Variants in TRIM68 observed in about 807,000 individuals in gnomAD.
TRIM68 encodes E3 ubiquitin-protein ligase TRIM68.
In TRIM68, 36 loss-of-function variants were observed where a neutral mutation model predicts 41.9. That is an observed-to-expected ratio of 0.86 (90% CI 0.66 to 1.14). The LOEUF is 1.14. Among genes scored for constraint, TRIM68 ranks in the 50% most tolerant of loss-of-function variants. TRIM68 has a pLI of 0.00. For synonymous variants in TRIM68, 225 were observed against 224.6 expected, an observed-to-expected ratio of 1.00 and a Z score of -0.02; for missense variants, 632 against 605.1, an observed-to-expected ratio of 1.04 and a Z score of -0.47.
At chr11:4,605,998 A>G (rs769412613) in intron 1 of TRIM68, among the ~76,000 whole-genome samples, 1 of 152,240 alleles carries the variant, frequency 6.6e-6, no homozygotes. Flanking sequence ...TTACATTAAT[A>G]TAATTCAAAG....
chr11:4,606,260 G>A (rs1284790482), intron 1 of TRIM68, among the ~76,000 whole-genome samples: 1 of 152,202 alleles, frequency 6.6e-6, no homozygotes, highest in Non-Finnish European at 1.5e-5. Flanking sequence ...AAGATCATTT[G>A]ATGATCATCA....
chr11:4,602,497 G>T (rs1846509228), intron 3 of TRIM68, 85 bp from the exon 4 acceptor site: 3 of 1,532,196 alleles, frequency 2.0e-6, no homozygotes. Context: ...CACATACTCT[G>T]CAATGGTACC....
rs1846553659 is a variant in TRIM68 at position 4,605,340 on chromosome 11, G to A, written c.165C>T (p.Tyr55=). Residue 55 remains tyrosine (Y), a synonymous_variant, in exon 2 of 7, where the codon TAC becomes TAT. Coordinates refer to ENST00000300747, the MANE Select transcript of TRIM68 (RefSeq NM_018073.8). ...EIPGESQNWG[Y]TCPLCRAPVQ... Reference sequence around the variant, plus strand: ...CAGGAGCTCGACAGAGGGGACAGGTGTAACCCCAGTTCTGGGATTCTCCTG... The same window carrying A: ...CAGGAGCTCGACAGAGGGGACAGGTATAACCCCAGTTCTGGGATTCTCCTG... 1.2e-6 allele frequency: 2 copies of A among 1,614,120 alleles called. No individual in the cohort carries two copies. Among genetic ancestry groups the A allele is most frequent in the African/African-American group, 1.3e-5 (1 of 74,936 alleles).
At chr11:4,604,993 T>C (rs1846546254) in intron 2 of TRIM68, 86 bp downstream of exon 2, 3 of 1,457,488 alleles carry the variant, frequency 2.1e-6, no homozygotes, top group Non-Finnish European at 2.8e-6. Flanking sequence ...GCTCTCAGTC[T>C]GTGGTGCTGG....
intron 4 of TRIM68, 25 bp downstream of exon 4, chr11:4,602,127 G>A (rs774630391): frequency 1.2e-5 from 20 of 1,613,768 alleles, no homozygotes; most frequent in Non-Finnish European, 1.6e-5. Flanking sequence ...GTCACTCAGG[G>A]TTACCAGGAA....
intron 6 of TRIM68, 81 bp from the exon 7 acceptor site, chr11:4,600,907 A>C: frequency 6.4e-7 from 1 of 1,572,498 alleles, no homozygotes; most frequent in Non-Finnish European, 8.7e-7. Context: ...ATTCAGCCAC[A>C]GATTTCTCAA....
chr11:4,600,238 C>T lies in TRIM68; in HGVS notation c.*38G>A. The T allele has an allele frequency of 6.6e-7, 1 of 1,523,824 alleles. No individual in the cohort carries two copies. The highest frequency in any genetic ancestry group is 1.3e-5 in the South Asian group (1 of 76,574). 94.4% of individuals were successfully genotyped at this position (1,523,824 alleles called of 1,614,324 possible). ...TCCTCCAAGCCCCATGGGGGCCAGG[C>T]CCAATTCCAAGCCTCTCTGGTTAGG... On this transcript the variant is annotated 3_prime_UTR_variant, in exon 7 of 7. Coordinates refer to ENST00000300747, the MANE Select transcript of TRIM68 (RefSeq NM_018073.8).
At chr11:4,601,580 T>A in intron 5 of TRIM68, 84 bp downstream of exon 5, 1 of 1,465,696 alleles carries the variant, frequency 6.8e-7, no homozygotes. Context: ...GCACCGAGTC[T>A]GTGCTCCGTC....
chr11:4,601,179 G>A, intron 5 of TRIM68, 52 bp from the exon 6 acceptor site: 3 of 1,405,952 alleles, frequency 2.1e-6, no homozygotes, highest in Non-Finnish European at 3.0e-6. Flanking sequence ...TTGTCACATG[G>A]GCCTTATCTT....
rs1440807132 is a variant in TRIM68 at position 4,605,295 on chromosome 11, C to T, written c.210G>A (p.Arg70=). 4 of 1,614,138 alleles carry T rather than the reference C, an allele frequency of 2.5e-6. No homozygotes were observed. Among genetic ancestry groups the T allele is most frequent in the Admixed American group, 3.3e-5 (2 of 59,996 alleles). Residue 70 remains arginine, a synonymous_variant, in exon 2 of 7, where the codon CGG becomes CGA. Coordinates refer to ENST00000300747, the MANE Select transcript of TRIM68 (RefSeq NM_018073.8). Reference sequence around the variant, plus strand: ...CAACATTGGCCAGCTGCCAATTAGGCCGCAGGTTCCTTGGCTGGACAGGAG... The same window carrying T: ...CAACATTGGCCAGCTGCCAATTAGGTCGCAGGTTCCTTGGCTGGACAGGAG... ...CRAPVQPRNL[R]PNWQLANVVE... is the part of the protein sequence containing the mutation.
rs375151620 is a variant in TRIM68 at position 4,600,612 on chromosome 11, T to G, written c.1122A>C (p.Val374=). Residue 374 remains valine, a synonymous_variant, in exon 7 of 7, where the codon GTA becomes GTC. Coordinates refer to ENST00000300747, the MANE Select transcript of TRIM68 (RefSeq NM_018073.8). ...CCTTCCGGTCTACATTTTGCTTACATACTCCCAGGCCCCACTCAGACCTGT... is the reference window on the plus strand; with the variant it reads ...CCTTCCGGTCTACATTTTGCTTACAGACTCCCAGGCCCCACTCAGACCTGT... ...VGDRSEWGLG[V]CKQNVDRKEV... is the part of the protein sequence containing the mutation. 50 of 1,613,962 alleles carry G rather than the reference T, an allele frequency of 3.1e-5. No homozygotes were observed. Among genetic ancestry groups the G allele is most frequent in the Middle Eastern group, 1.6e-4 (1 of 6,084 alleles).
intron 3 of TRIM68, 61 bp from the exon 4 acceptor site, chr11:4,602,473 G>A: frequency 1.3e-6 from 2 of 1,590,170 alleles, no homozygotes; most frequent in Non-Finnish European, 1.7e-6. Flanking sequence ...CGAGCATACT[G>A]ACATATGCAT....
chr11:4,601,058 C>G lies in TRIM68; in HGVS notation c.876G>C (p.Leu292=), dbSNP rs1417274276. Residue 292 remains leucine (L), a synonymous_variant, in exon 6 of 7, where the codon CTG becomes CTC. Coordinates refer to ENST00000300747, the MANE Select transcript of TRIM68 (RefSeq NM_018073.8). ...AAGTCTTCAGGATCTCTCTTAGCCC[C>G]AGCACACGGCAATCTGTCTTCAACT... ...SLELKTDCRV[L]GLREILKTYA... The G allele has an allele frequency of 6.2e-7, 1 of 1,614,082 alleles. No homozygotes were observed. The highest frequency in any genetic ancestry group is 2.2e-5 in the East Asian group (1 of 44,894).
In TRIM68 at chr11:4,603,444, G is replaced by T. The variant is rs1349956047; in HGVS notation, c.427-104C>A. ...AGTCCTTCAGGCAACCGGCCACAGT[G>T]AAGGCTGTGGGGAAAGGGAATGCCA... On this transcript the variant is annotated intron_variant, in intron 2 of 6. Coordinates refer to ENST00000300747, the MANE Select transcript of TRIM68 (RefSeq NM_018073.8). 2.3e-5 allele frequency: 23 copies of T among 993,490 alleles called. No homozygotes were observed. The South Asian group carries it at 3.1e-4, about 13-fold the overall frequency. The allele number at this position is 993,490 out of a possible 1,614,324, so 61.5% of individuals were successfully genotyped here.
intron 5 of TRIM68, chr11:4,601,332 G>T (rs79909424): frequency 0.024 from 14,492 of 602,106 alleles, 258 homozygotes; most frequent in Non-Finnish European, 0.034. Flanking sequence ...GGGAAGGGTT[G>T]GATGTATATT....
intron 5 of TRIM68, 170 bp from the exon 6 acceptor site, chr11:4,601,297 G>A: frequency 3.2e-6 from 2 of 627,982 alleles, no homozygotes; most frequent in Non-Finnish European, 2.9e-6. Context: ...GTGCAGAGGT[G>A]AGAACACCTG....
rs1394874765 is a variant in TRIM68 at position 4,599,614 on chromosome 11, G to C, written c.*662C>G. ...CCTGCCACTTAGAGAAAAAAGGCAA[G>C]ACTAGGACACTGGTCTCCTGGAGTC... On this transcript the variant is annotated 3_prime_UTR_variant, in exon 7 of 7. Transcript: ENST00000300747. 4 of 152,368 alleles carry C rather than the reference G, an allele frequency of 2.6e-5. No individual in the cohort carries two copies. Among genetic ancestry groups the C allele is most frequent in the African/African-American group, 4.8e-5 (2 of 41,582 alleles). 9.4% of individuals were successfully genotyped at this position (152,368 alleles called of 1,614,324 possible).
rs570600596 is a variant in TRIM68, at chr11:4,600,966, T to C, written c.907+61A>G. ...GAGCACCCAGAGGGCACTGAACCATTTTCTATCTCTGGGAGGGGTCCCTCC... is the reference window on the plus strand; with the variant it reads ...GAGCACCCAGAGGGCACTGAACCATCTTCTATCTCTGGGAGGGGTCCCTCC... On this transcript the variant is annotated intron_variant, in intron 6 of 6. Coordinates refer to ENST00000300747, the MANE Select transcript of TRIM68 (RefSeq NM_018073.8). 9.5e-6 allele frequency: 15 copies of C among 1,587,148 alleles called. No individual in the cohort carries two copies. The East Asian group carries it at 3.1e-4, about 33-fold the overall frequency.
Position 4,601,034 on chromosome 11 carries a change from A to G in TRIM68, c.900T>C (p.Thr300=), listed in dbSNP as rs375313796. Residue 300 remains threonine, a synonymous_variant, in exon 6 of 7, where the codon ACT becomes ACC. Transcript: ENST00000300747. The part of the protein sequence containing the change: ...RVLGLREILK[T]YAADVRLDPD... ...TCCCCCAGGATCCATTACCTGCATA[A>G]GTCTTCAGGATCTCTCTTAGCCCCA... The G allele has an allele frequency of 6.4e-5, 104 of 1,613,812 alleles. No homozygotes were observed. Among genetic ancestry groups the G allele is most frequent in the Non-Finnish European group, 8.4e-5 (99 of 1,179,832 alleles).
Sources: gnomAD v4.1 joint callset for allele counts (sites outside exome capture counted in the v4.1 genomes callset) on GRCh38, gnomAD v4.1.1 for gene constraint, MANE v1.5 for transcripts, NCBI Gene and HGNC (gene_info 2026-07-23, HGNC 2026-07-21) for gene names.